Variants in DNAH7 observed in about 807,000 individuals in gnomAD.
The protein encoded by DNAH7 is axonemal beta dynein heavy chain 7.
Under a neutral mutation model 444.6 loss-of-function variants are expected in DNAH7, and 397 were observed. The ratio of observed to expected loss-of-function variants is 0.89; its 90% confidence interval spans 0.82 to 0.97. The LOEUF is 0.97. Ranked by LOEUF, DNAH7 falls within the 50% of genes least tolerant of loss-of-function variation. The pLI, the probability that DNAH7 is intolerant of heterozygous loss-of-function variation, is 0.00. For synonymous variants in DNAH7, 1,636 were observed against 1,624.4 expected (o/e 1.01, Z -0.17); for missense variants, 4,902 against 4,800.8 (o/e 1.02, Z -0.62).
chr2:195,926,419 A>G lies in DNAH7; in HGVS notation c.3612+7T>C. The G allele has an allele frequency of 6.5e-7, 1 of 1,526,836 alleles. No individual in the cohort carries two copies. The highest frequency in any genetic ancestry group is 8.8e-7 in the Non-Finnish European group (1 of 1,142,322). The allele number at this position is 1,526,836 out of a possible 1,614,324, so 94.6% of individuals were successfully genotyped here. A position where few individuals can be genotyped will look rare whatever the true frequency, so the allele number is the denominator to read the frequency against. ...TTAAAAAAACCCGAGGGTTAATAAA[A>G]CCTTACCTTTATCCCCATTGGAATA... is the stretch of plus-strand genomic sequence containing the variant. On this transcript the variant is annotated splice_region_variant and intron_variant, in intron 22 of 64. Transcript: ENST00000312428.
intron 55 of DNAH7, among the ~76,000 whole-genome samples, chr2:195,798,121 T>C (rs2105998376): frequency 6.6e-6 from 1 of 152,378 alleles, no homozygotes; most frequent in East Asian, 1.9e-4. Flanking sequence ...AAAGTCTTCT[T>C]AAATTTTTTT....
At chr2:195,813,576 G>A (rs962176351) in intron 51 of DNAH7, among the ~76,000 whole-genome samples, 1 of 152,116 alleles carries the variant, frequency 6.6e-6, no homozygotes, top group Non-Finnish European at 1.5e-5. Context: ...TTTTCCTCTG[G>A]ATAAAGCCAG....
At chr2:195,744,114 G>C (rs1268311508) in intron 63 of DNAH7, among the ~76,000 whole-genome samples, 1 of 152,246 alleles carries the variant, frequency 6.6e-6, no homozygotes, top group Non-Finnish European at 1.5e-5. Context: ...CCTAGTCAAA[G>C]AAAGGGGTGA....
At chr2:195,813,139 A>G (rs1697050054) in intron 51 of DNAH7, among the ~76,000 whole-genome samples, 1 of 152,214 alleles carries the variant, frequency 6.6e-6, no homozygotes, top group Non-Finnish European at 1.5e-5. Flanking sequence ...TCAAGGAAGC[A>G]AAATTTCATA....
chr2:196,068,375 C>G (rs7590219), intron 1 of DNAH7: 26,440 of 399,898 alleles, frequency 0.066, 1,086 homozygotes, highest in African/African-American at 0.12. Flanking sequence ...CCCGCTGCAA[C>G]TCCTCGCAGA....
rs117897533 is a variant in DNAH7, at chr2:195,844,421, G to A, written c.8945+581C>T. ...GATTGTCCTCACACTGTGACAGGCT[G>A]AAGTCCTTGGTTTCTGGGAGGTGAG... On this transcript the variant is annotated intron_variant, in intron 47 of 64. Transcript: ENST00000312428. 2.6e-5 allele frequency among the ~76,000 whole-genome samples: 4 copies of A among 152,306 alleles called. No homozygotes were observed. In the East Asian group the frequency reaches 7.7e-4, roughly 29 times the overall value.
chr2:196,049,851 A>G (rs551068183), intron 3 of DNAH7, among the ~76,000 whole-genome samples: 1 of 152,222 alleles, frequency 6.6e-6, no homozygotes, highest in South Asian at 2.1e-4. Context: ...ACATCTGTAA[A>G]CTAACAATCT....
intron 19 of DNAH7, among the ~76,000 whole-genome samples, chr2:195,941,756 C>A (rs534011623): frequency 6.6e-6 from 1 of 152,066 alleles, no homozygotes; most frequent in Non-Finnish European, 1.5e-5. Flanking sequence ...TGTAGGTTGA[C>A]AGAGTAGAAC....
chr2:196,028,228 C>T (rs1695812335), intron 5 of DNAH7, among the ~76,000 whole-genome samples, 181 bp from the exon 6 acceptor site: 3 of 152,134 alleles, frequency 2.0e-5, no homozygotes, highest in African/African-American at 2.4e-5. Context: ...ATACTTTATT[C>T]ATAGAGAGAC....
At position 195,934,697 on chromosome 2, in the gene DNAH7, C is replaced by G. The variant is rs2125406427; in HGVS notation, c.3365G>C (p.Gly1122Ala). Residue 1122 changes from glycine (G) to alanine (A), a missense_variant, in exon 21 of 65, where the codon GGA (glycine) becomes GCA (alanine). Physicochemically the swap from Gly to Ala is moderately conservative, Grantham distance 60. Coordinates refer to ENST00000312428, the MANE Select transcript of DNAH7 (RefSeq NM_018897.3). ...AATCTCTATGAGTTCTACAACCTCTCCTTCGCTGCTCTTCATGTGAGTAAT... is the reference window on the plus strand; with the variant it reads ...AATCTCTATGAGTTCTACAACCTCTGCTTCGCTGCTCTTCATGTGAGTAAT... ...LDITHMKSSE[G>A]EVVELIEIIS... 1 of 1,614,128 alleles carries G rather than the reference C, an allele frequency of 6.2e-7. No homozygotes were observed. Among genetic ancestry groups the G allele is most frequent in the Admixed American group, 1.7e-5 (1 of 60,012 alleles).
chr2:195,862,332 T>A (rs569072177), intron 41 of DNAH7, among the ~76,000 whole-genome samples: 123 of 152,288 alleles, frequency 8.1e-4, no homozygotes, highest in African/African-American at 2.9e-3. Flanking sequence ...CTGAAATAGC[T>A]TCCAAATCCT....
At chr2:195,951,908 T>C (rs1690285667) in intron 19 of DNAH7, among the ~76,000 whole-genome samples, 2 of 152,220 alleles carry the variant, frequency 1.3e-5, no homozygotes, top group South Asian at 4.1e-4. Flanking sequence ...TGTCTTTTAA[T>C]TGGGGCATTT....
At chr2:195,772,942 G>A (rs1694909627) in intron 60 of DNAH7, among the ~76,000 whole-genome samples, 1 of 151,948 alleles carries the variant, frequency 6.6e-6, no homozygotes, top group African/African-American at 2.4e-5. Flanking sequence ...TACCACGCCT[G>A]GCTAATTTTT....
chr2:195,932,755 C>T (rs1050879286), intron 21 of DNAH7, among the ~76,000 whole-genome samples: 2 of 152,132 alleles, frequency 1.3e-5, no homozygotes, highest in African/African-American at 4.8e-5. Flanking sequence ...AGCCTTGCAT[C>T]CCAGGGATGA....
chr2:195,879,872 T>A (rs1171026748), intron 36 of DNAH7, among the ~76,000 whole-genome samples: 1 of 152,168 alleles, frequency 6.6e-6, no homozygotes, highest in African/African-American at 2.4e-5. Flanking sequence ...CTCAACTAAG[T>A]AAATTGTATG....
At chr2:195,757,641 A>G (rs1694145095) in intron 61 of DNAH7, among the ~76,000 whole-genome samples, 1 of 152,340 alleles carries the variant, frequency 6.6e-6, no homozygotes, top group South Asian at 2.1e-4. Flanking sequence ...AAAGAGGGGA[A>G]GGGAAAATGA....
intron 24 of DNAH7, among the ~76,000 whole-genome samples, chr2:195,913,615 A>T (rs1210251753): frequency 6.6e-6 from 1 of 152,260 alleles, no homozygotes; most frequent in Admixed American, 6.5e-5. Context: ...AAGAATACAG[A>T]GCCAGCCCCT....
intron 8 of DNAH7, among the ~76,000 whole-genome samples, chr2:196,019,955 C>T (rs1695271484): frequency 6.6e-6 from 1 of 151,554 alleles, no homozygotes; most frequent in Non-Finnish European, 1.5e-5. Flanking sequence ...CTCCTCCTCC[C>T]CCTTCTTCTT....
At chr2:195,811,850 T>A (rs1184043521) in intron 51 of DNAH7, among the ~76,000 whole-genome samples, 1 of 152,232 alleles carries the variant, frequency 6.6e-6, no homozygotes, top group East Asian at 1.9e-4. Flanking sequence ...CTGAAATAGC[T>A]GACTCCATCT....
Sources: allele counts gnomAD v4.1 joint callset (sites outside exome capture counted in the v4.1 genomes callset), GRCh38; gene constraint gnomAD v4.1.1; transcripts MANE v1.5; gene names NCBI Gene and HGNC (gene_info 2026-07-23, HGNC 2026-07-21).